UVRAG: variants seen among roughly 807,000 people sequenced by gnomAD.
The protein encoded by UVRAG is UV radiation resistance associated, also known as UV radiation resistance-associated gene protein.
Under a neutral mutation model 78.0 loss-of-function variants are expected in UVRAG, and 19 were observed. That is an observed-to-expected ratio of 0.24 (90% confidence interval 0.17 to 0.36). The LOEUF (loss-of-function observed/expected upper bound fraction) is 0.36. Ranked by LOEUF, UVRAG falls within the 10% of genes least tolerant of loss-of-function variation. The probability of loss-of-function intolerance (pLI) is 1.00; values close to 1 mark genes in which losing one functional copy is unlikely to be tolerated. For synonymous variants in UVRAG, 323 were observed against 324.6 expected, an observed-to-expected ratio of 1.00 and a Z score of 0.05; for missense variants, 740 against 853.8, an observed-to-expected ratio of 0.87 and a Z score of 1.66.
chr11:75,966,076 A>G (rs1306357958), intron 7 of UVRAG, among the ~76,000 whole-genome samples: 2 of 152,158 alleles, frequency 1.3e-5, no homozygotes, highest in African/African-American at 4.8e-5. Context: ...CGAATAGAAG[A>G]TGAATTTTGT....
intron 12 of UVRAG, among the ~76,000 whole-genome samples, chr11:76,058,016 C>T (rs1206600475): frequency 6.6e-6 from 1 of 151,800 alleles, no homozygotes; most frequent in Non-Finnish European, 1.5e-5. Context: ...GTGCATGTAG[C>T]CTTAACACTT....
At chr11:75,907,414 T>A (rs1043519843) in intron 5 of UVRAG, among the ~76,000 whole-genome samples, 20 of 151,970 alleles carry the variant, frequency 1.3e-4, no homozygotes, top group African/African-American at 2.4e-4. Flanking sequence ...TTTTTTTTTT[T>A]AAATCATGGA....
At chr11:75,836,097 T>TA (rs1178391423) in intron 1 of UVRAG, among the ~76,000 whole-genome samples, 2,496 of 143,100 alleles carry the variant, frequency 0.017, 54 homozygotes, top group African/African-American at 0.056. Flanking sequence ...GACTCTGTCT[T>TA]AAAAAAAAAA....
intron 13 of UVRAG, among the ~76,000 whole-genome samples, chr11:76,113,658 A>T (rs1952123730): frequency 6.6e-6 from 1 of 152,136 alleles, no homozygotes; most frequent in South Asian, 2.1e-4. Flanking sequence ...GAAAATTAAA[A>T]GGGTAATATG....
intron 5 of UVRAG, among the ~76,000 whole-genome samples, chr11:75,904,532 C>T (rs1348385825): frequency 6.6e-6 from 1 of 152,142 alleles, no homozygotes; most frequent in Non-Finnish European, 1.5e-5. Context: ...ATGGCTGAAA[C>T]AGGAGGGCTT....
At chr11:76,113,715 C>T in intron 13 of UVRAG, among the ~76,000 whole-genome samples, 1 of 151,904 alleles carries the variant, frequency 6.6e-6, no homozygotes. Flanking sequence ...TGGCTTTGTC[C>T]CTTATCATCC....
At chr11:76,133,158 T>C (rs1453173864) in intron 14 of UVRAG, among the ~76,000 whole-genome samples, 2 of 152,234 alleles carry the variant, frequency 1.3e-5, no homozygotes, top group Non-Finnish European at 2.9e-5. Context: ...TTTATTATTA[T>C]TAATAATTTA....
At chr11:75,997,486 G>A (rs1330299227) in intron 8 of UVRAG, among the ~76,000 whole-genome samples, 1 of 152,212 alleles carries the variant, frequency 6.6e-6, no homozygotes, top group African/African-American at 2.4e-5. Context: ...ATTGATATAT[G>A]CCTGGACAGG....
At chr11:75,939,648 T>G (rs1207161832) in intron 6 of UVRAG, among the ~76,000 whole-genome samples, 1 of 152,112 alleles carries the variant, frequency 6.6e-6, no homozygotes, top group African/African-American at 2.4e-5. Context: ...TTCACCCCCT[T>G]CAGATTGCTT....
chr11:75,887,260 C>G (rs1409585124), intron 4 of UVRAG, among the ~76,000 whole-genome samples: 1 of 152,120 alleles, frequency 6.6e-6, no homozygotes, highest in Non-Finnish European at 1.5e-5. Flanking sequence ...ATTCTCCTGC[C>G]TCAGCCTCCC....
rs569920848 is a variant in UVRAG at position 76,090,966 on chromosome 11, T to C, written c.1306-24958T>C. Among the ~76,000 whole-genome samples, 25 of 152,358 alleles carry C rather than the reference T, an allele frequency of 1.6e-4. No individual in the cohort carries two copies. The South Asian group carries it at 2.9e-3, about 18-fold the overall frequency. Reference sequence around the variant, plus strand: ...CTCTTATGTTGAAACCTCTATTTTCTAGATAAATCCTCACAAAGAATGCAT... The same window carrying C: ...CTCTTATGTTGAAACCTCTATTTTCCAGATAAATCCTCACAAAGAATGCAT... On this transcript the variant is annotated intron_variant, in intron 13 of 14. Coordinates refer to ENST00000356136, the MANE Select transcript of UVRAG (RefSeq NM_003369.4).
rs1176293259 is a variant in UVRAG at position 76,110,412 on chromosome 11, A to T, written c.1306-5512A>T. Among the ~76,000 whole-genome samples, 3 of 152,166 alleles carry T rather than the reference A, an allele frequency of 2.0e-5. No homozygotes were observed. In the East Asian group the frequency reaches 5.8e-4, roughly 29 times the overall value. On this transcript the variant is annotated intron_variant, in intron 13 of 14. Coordinates refer to ENST00000356136, the MANE Select transcript of UVRAG (RefSeq NM_003369.4). ...AGAAGTGACTTATTCAAAGTCAAAC[A>T]ACTAGTAAGTGACAGTACTGGTATT...
intron 5 of UVRAG, 71 bp downstream of exon 5, chr11:75,888,974 A>G (rs1232521399): frequency 3.2e-6 from 4 of 1,263,750 alleles, no homozygotes; most frequent in Non-Finnish European, 4.4e-6. Flanking sequence ...CAGGGTAGAT[A>G]TAATCCTGAA....
At chr11:76,053,324 C>G (rs918488553) in intron 12 of UVRAG, among the ~76,000 whole-genome samples, 1 of 151,212 alleles carries the variant, frequency 6.6e-6, no homozygotes, top group African/African-American at 2.4e-5. Context: ...CACACACACA[C>G]ACACACACAC....
At position 76,093,725 on chromosome 11, in the gene UVRAG, CTAAAGT is replaced by C. The variant is rs1178481373; in HGVS notation, c.1306-22196_1306-22191del. Among the ~76,000 whole-genome samples the C allele has an allele frequency of 9.2e-5, 14 of 152,276 alleles. No individual in the cohort carries two copies. The East Asian group carries it at 2.7e-3, about 29-fold the overall frequency. ...ATTGATTTTGTATCCTGAGACTTTG[CTAAAGT>C]TACTTATTGGCTTAAAGAGATGTTG... On this transcript the variant is annotated intron_variant, in intron 13 of 14. Transcript: ENST00000356136.
chr11:75,973,917 G>T (rs1457999943), intron 7 of UVRAG, among the ~76,000 whole-genome samples: 1 of 152,154 alleles, frequency 6.6e-6, no homozygotes, highest in African/African-American at 2.4e-5. Context: ...AGTATTCCAT[G>T]GTGTATATGT....
chr11:76,113,341 G>A (rs1952116326), intron 13 of UVRAG, among the ~76,000 whole-genome samples: 1 of 152,072 alleles, frequency 6.6e-6, no homozygotes, highest in South Asian at 2.1e-4. Flanking sequence ...AAGTGTTTGT[G>A]TGAGAGCAAA....
chr11:75,855,183 T>G (rs1208802002), intron 2 of UVRAG, among the ~76,000 whole-genome samples: 1 of 152,222 alleles, frequency 6.6e-6, no homozygotes, highest in Non-Finnish European at 1.5e-5. Context: ...TTTTCTCTCT[T>G]CCAGCTCAGA....
At chr11:76,007,397 T>C (rs1447610200) in intron 9 of UVRAG, 137 bp from the exon 10 acceptor site, 2 of 653,136 alleles carry the variant, frequency 3.1e-6, no homozygotes, top group Non-Finnish European at 5.2e-6. Flanking sequence ...TAACTATTAT[T>C]TATGCTTCTA....
Sources: gnomAD v4.1 joint callset for allele counts (sites outside exome capture counted in the v4.1 genomes callset) on GRCh38, gnomAD v4.1.1 for gene constraint, MANE v1.5 for transcripts, NCBI Gene and HGNC (gene_info 2026-07-23, HGNC 2026-07-21) for gene names.